ULK3: variants seen among roughly 807,000 people sequenced by gnomAD.
The protein encoded by ULK3 is unc-51 like kinase 3.
Under a neutral mutation model 69.4 loss-of-function variants are expected in ULK3, and 54 were observed. The ratio of observed to expected loss-of-function variants is 0.78; its 90% confidence interval spans 0.63 to 0.98. The LOEUF (loss-of-function observed/expected upper bound fraction) is 0.98. Ranked by LOEUF, ULK3 falls within the 50% of genes least tolerant of loss-of-function variation. ULK3 has a pLI of 0.00. For missense variants in ULK3, 558 were observed against 627.7 expected (o/e 0.89, Z 1.19); for synonymous variants, 240 against 254.5 (o/e 0.94, Z 0.54).
Position 74,842,936 on chromosome 15 carries a change from CAG to C in ULK3, c.102+66_102+67del, listed in dbSNP as rs908619392. The C allele has an allele frequency of 9.6e-5, 143 of 1,495,448 alleles. No homozygotes were observed. Among genetic ancestry groups the C allele is most frequent in the Non-Finnish European group, 1.1e-4 (127 of 1,111,596 alleles). 92.6% of individuals were successfully genotyped at this position (1,495,448 alleles called of 1,614,324 possible). ...TATTCCCACACTGTCGCTAACCTCT[CAG>C]AGTCTCCCCGGCCGGCACCAGCCGA... On this transcript the variant is annotated intron_variant, in intron 1 of 15. Transcript: ENST00000440863. The surrounding 1 kb of genome is among the most constrained non-coding windows in gnomAD (Gnocchi z 4.9).
chr15:74,842,203 T>A lies in ULK3; in HGVS notation c.244-8A>T, dbSNP rs2064280276. 1 of 1,613,904 alleles carries A rather than the reference T, an allele frequency of 6.2e-7. No individual in the cohort carries two copies. The highest frequency in any genetic ancestry group is 1.3e-5 in the African/African-American group (1 of 74,940). ...GATATTGTCACTGTCCCACTGTGTT[T>A]AGAGGCAGAGAGGCGGCCTGAAGAG... is the stretch of plus-strand genomic sequence containing the variant. On this transcript the variant is annotated splice_region_variant and splice_polypyrimidine_tract_variant and intron_variant, in intron 2 of 15. Transcript: ENST00000440863. This position sits in a 1 kb window ranked among gnomAD's most constrained non-coding sequence, Gnocchi z 4.9.
At chr15:74,839,243 G>A (rs2064150971) in intron 8 of ULK3, 25 bp downstream of exon 8, 2 of 1,550,500 alleles carry the variant, frequency 1.3e-6, no homozygotes, top group Non-Finnish European at 1.7e-6. Flanking sequence ...GCACCCACGG[G>A]CTTCAGGCAT....
chr15:74,840,844 T>C, intron 4 of ULK3: 1 of 660,976 alleles, frequency 1.5e-6, no homozygotes, highest in Non-Finnish European at 2.4e-6. Flanking sequence ...CCAGCTCCCT[T>C]GGGCACCTTT....
In ULK3 at chr15:74,839,372, G is replaced by A. The variant is rs1485454421; in HGVS notation, c.854C>T (p.Thr285Ile). 2 of 1,558,704 alleles carry A rather than the reference G, an allele frequency of 1.3e-6. No homozygotes were observed. The highest frequency in any genetic ancestry group is 1.4e-5 in the African/African-American group (1 of 73,460). ...MPSGESLGRA[T>I]ALVVQAVKKD... ...CTTCACAGCCTGCACCACCAGGGCGGTCTGGGGATGGGCAGATCAGGGGTC... is the reference window on the plus strand; with the variant it reads ...CTTCACAGCCTGCACCACCAGGGCGATCTGGGGATGGGCAGATCAGGGGTC... The change falls in exon 8 of 16, where the codon ACC becomes ATC. Residue 285 changes from threonine to isoleucine, a missense_variant and splice_region_variant. By Grantham distance (89) the Thr-to-Ile change is moderately conservative. Coordinates refer to ENST00000440863, the MANE Select transcript of ULK3 (RefSeq NM_001099436.4).
Position 74,842,321 on chromosome 15 carries a change from C to T in ULK3, c.202G>A (p.Gly68Ser), listed in dbSNP as rs765787159. The change falls in exon 2 of 16, where the codon GGC (glycine) becomes AGC (serine). Residue 68 changes from glycine to serine, a missense_variant. By Grantham distance (56) the Gly-to-Ser change is moderately conservative. Coordinates refer to ENST00000440863, the MANE Select transcript of ULK3 (RefSeq NM_001099436.4). The surrounding 1 kb of genome is among the most constrained non-coding windows in gnomAD (Gnocchi z 4.9). ...TGCACAATGTGGGGATGTCGAATGC[C>T]CTTGAGGATCTCAATCTCCGTGAGG... ...NLLTEIEILK[G>S]IRHPHIVQLK... 6.8e-6 allele frequency: 11 copies of T among 1,613,908 alleles called. No individual in the cohort carries two copies. In the South Asian group the frequency reaches 1.1e-4, roughly 16 times the overall value.
chr15:74,838,633 CG>C lies in ULK3; in HGVS notation c.1102+9del, dbSNP rs752643985. The C allele has an allele frequency of 1.9e-6, 3 of 1,606,638 alleles. No individual in the cohort carries two copies. Among genetic ancestry groups the C allele is most frequent in the Non-Finnish European group, 2.6e-6 (3 of 1,175,974 alleles). On this transcript the variant is annotated intron_variant, in intron 10 of 15. Transcript: ENST00000440863. Reference sequence around the variant, plus strand: ...GGGGGCCCTGGGGTCAGCCAGAAACCGGAGTCTACCTCTGAGCAGGTCTCGG... The same window carrying C: ...GGGGGCCCTGGGGTCAGCCAGAAACCGAGTCTACCTCTGAGCAGGTCTCGG...
In ULK3 at chr15:74,842,179, A is replaced by G. The variant is rs2064279520; in HGVS notation, c.260T>C (p.Ile87Thr). 1.2e-6 allele frequency: 2 copies of G among 1,614,008 alleles called. No homozygotes were observed. Among genetic ancestry groups the G allele is most frequent in the Non-Finnish European group, 1.7e-6 (2 of 1,179,890 alleles). ...TGCGCAAAACTCCATGATGAGGTAG[A>G]TATTGTCACTGTCCCACTGTGTTTA... ...LKDFQWDSDN[I>T]YLIMEFCAGG... The change falls in exon 3 of 16, where the codon ATC becomes ACC. Residue 87 changes from isoleucine (I) to threonine (T), a missense_variant. By Grantham distance (89) the Ile-to-Thr change is moderately conservative. Transcript: ENST00000440863. The surrounding 1 kb of genome is among the most constrained non-coding windows in gnomAD (Gnocchi z 4.9).
Position 74,842,687 on chromosome 15 carries a change from C to G in ULK3, c.103-267G>C, listed in dbSNP as rs1438807087. The G allele has an allele frequency of 6.5e-7, 1 of 1,534,402 alleles. No individual in the cohort carries two copies. Among genetic ancestry groups the G allele is most frequent in the East Asian group, 2.4e-5 (1 of 40,858 alleles). ...ATTTCTTTGCATTCTGGAGTGCTCC[C>G]GGCAGAGGCATGTCACTCAGGGTTC... On this transcript the variant is annotated intron_variant, in intron 1 of 15. Transcript: ENST00000440863. This position sits in a 1 kb window ranked among gnomAD's most constrained non-coding sequence, Gnocchi z 4.9.
In ULK3 at chr15:74,838,457, A is replaced by T; in HGVS notation, c.1150T>A (p.Ser384Thr). The T allele has an allele frequency of 3.2e-6, 5 of 1,579,166 alleles. No homozygotes were observed. The highest frequency in any genetic ancestry group is 4.3e-6 in the Non-Finnish European group (5 of 1,162,636). ...GCACAAACCTTGGCCATGGCAGCTG[A>T]AGCCACTTCCAGGGCAGCTAGGAGG... ...PRLLAALEVA[S>T]AAMAKEEAAG... The change falls in exon 11 of 16, where the codon TCA (serine) becomes ACA (threonine). Residue 384 changes from serine (S) to threonine (T), a missense_variant. Coordinates refer to ENST00000440863, the MANE Select transcript of ULK3 (RefSeq NM_001099436.4).
chr15:74,838,969 A>C, intron 9 of ULK3, 41 bp downstream of exon 9: 1 of 1,564,552 alleles, frequency 6.4e-7, no homozygotes, highest in Non-Finnish European at 8.7e-7. Context: ...TCCGGGCCTT[A>C]CCCCCTGCCC....
At position 74,838,276 on chromosome 15, in the gene ULK3, C is replaced by T. The variant is rs769939290; in HGVS notation, c.1236G>A (p.Leu412=). The T allele has an allele frequency of 2.6e-6, 4 of 1,561,696 alleles. No individual in the cohort carries two copies. The Admixed American group carries it at 7.6e-5, about 30-fold the overall frequency. Residue 412 remains leucine, a synonymous_variant, in exon 12 of 16, where the codon CTG becomes CTA. Transcript: ENST00000440863. ...AATGGGGGCCCTCACCTGCCAGCAA[C>T]AGCAGTAGCTCCCCCAGGCTGTGCT... ...LYQHSLGELL[L]LLAAEPPGRR...
chr15:74,837,847 T>TG, intron 13 of ULK3, 49 bp from the exon 14 acceptor site: 1 of 1,278,940 alleles, frequency 7.8e-7, no homozygotes, highest in Non-Finnish European at 1.1e-6. Context: ...TGGCGGGGGG[T>TG]GGGGTTTCAA....
At chr15:74,838,384 C>T in intron 11 of ULK3, 40 bp from the exon 12 acceptor site, 1 of 1,562,186 alleles carries the variant, frequency 6.4e-7, no homozygotes, top group Middle Eastern at 1.7e-4. Context: ...GGGTCATGGC[C>T]TGGGTATCTC....
chr15:74,837,245 C>A lies in ULK3; in HGVS notation c.1403-1G>T. On this transcript the variant is annotated splice_acceptor_variant, in intron 15 of 15. Transcript: ENST00000440863. LOFTEE classifies it high-confidence loss of function. Reference sequence around the variant, plus strand: ...TTCTAGGGTCACTGAAGGGTGCAAGCTACGGGGGTGAGGGGGACAATGGGG... The same window carrying A: ...TTCTAGGGTCACTGAAGGGTGCAAGATACGGGGGTGAGGGGGACAATGGGG... The A allele has an allele frequency of 6.3e-7, 1 of 1,586,372 alleles. No individual in the cohort carries two copies. Among genetic ancestry groups the A allele is most frequent in the Non-Finnish European group, 8.6e-7 (1 of 1,164,964 alleles).
rs965174776 is a variant in ULK3, at chr15:74,838,257, G to A, written c.1246+9C>T. ...AGGCCCTGTGGGGGGCATAAATGGGGGCCCTCACCTGCCAGCAACAGCAGT... is the reference window on the plus strand; with the variant it reads ...AGGCCCTGTGGGGGGCATAAATGGGAGCCCTCACCTGCCAGCAACAGCAGT... On this transcript the variant is annotated intron_variant, in intron 12 of 15. Coordinates refer to ENST00000440863, the MANE Select transcript of ULK3 (RefSeq NM_001099436.4). The A allele has an allele frequency of 4.9e-5, 77 of 1,562,040 alleles. No homozygotes were observed. The highest frequency in any genetic ancestry group is 6.5e-5 in the Non-Finnish European group (75 of 1,153,478).
chr15:74,839,528 A>G, intron 7 of ULK3, 30 bp downstream of exon 7: 3 of 1,545,314 alleles, frequency 1.9e-6, no homozygotes, highest in Non-Finnish European at 2.6e-6. Flanking sequence ...GCCCACCCTC[A>G]GCCCACCCCA....
In ULK3 at chr15:74,842,955, ACCAGCCGAGCTAGCT is replaced by A; in HGVS notation, c.102+34_102+48del. ...ACCTCTCAGAGTCTCCCCGGCCGGC[ACCAGCCGAGCTAGCT>A]CGGGCGGGCACGGGGCCATCGGCCG... On this transcript the variant is annotated intron_variant, in intron 1 of 15. Coordinates refer to ENST00000440863, the MANE Select transcript of ULK3 (RefSeq NM_001099436.4). The surrounding 1 kb of genome is among the most constrained non-coding windows in gnomAD (Gnocchi z 4.9). 6.6e-7 allele frequency: 1 copy of A among 1,524,320 alleles called. No homozygotes were observed. Among genetic ancestry groups the A allele is most frequent in the South Asian group, 1.2e-5 (1 of 82,372 alleles). The allele number at this position is 1,524,320 out of a possible 1,614,324, so 94.4% of individuals were successfully genotyped here.
In ULK3 at chr15:74,840,321, G is replaced by A. The variant is rs751953787; in HGVS notation, c.614-5C>T. ...GGGGCTGCCCGAAGAGGGCTTCTGT[G>A]GAAGGGAGGCAGAGCGGAGGCTGGG... On this transcript the variant is annotated splice_region_variant and splice_polypyrimidine_tract_variant and intron_variant, in intron 5 of 15. Transcript: ENST00000440863. 5 of 1,607,370 alleles carry A rather than the reference G, an allele frequency of 3.1e-6. No homozygotes were observed. In the African/African-American group the frequency reaches 5.3e-5, roughly 17 times the overall value.
rs543549739 is a variant in ULK3 at position 74,839,652 on chromosome 15, C to T, written c.758G>A (p.Arg253Gln). The T allele has an allele frequency of 1.2e-5, 19 of 1,554,022 alleles. No homozygotes were observed. The highest frequency in any genetic ancestry group is 4.8e-5 in the South Asian group (4 of 84,200). The change falls in exon 7 of 16, where the codon CGG (arginine) becomes CAG (glutamine). Residue 253 changes from arginine (R) to glutamine (Q), a missense_variant. Coordinates refer to ENST00000440863, the MANE Select transcript of ULK3 (RefSeq NM_001099436.4). Reference protein sequence around the residue: ...CRDLLQRLLERDPSRRISFQD... With the variant: ...CRDLLQRLLEQDPSRRISFQD... ...GAAGGAGATGCGACGGCTGGGGTCC[C>T]GCTCCAGGAGCCGCTGCAGTAGGTC... is the stretch of plus-strand genomic sequence containing the variant.
Sources: allele counts gnomAD v4.1 joint callset, GRCh38; gene constraint gnomAD v4.1.1; non-coding constraint Gnocchi (gnomAD v3.1); transcripts MANE v1.5; gene names NCBI Gene and HGNC (gene_info 2026-07-23, HGNC 2026-07-21).